Variants in PIWIL2 observed in about 807,000 individuals in gnomAD.
PIWIL2 encodes the protein piwi-like protein 2.
A neutral mutation model predicts 116.5 loss-of-function variants in PIWIL2; 81 were observed. The observed-to-expected ratio is 0.70, with a 90% CI of 0.58 to 0.84. PIWIL2 has a LOEUF of 0.84. Ranked by LOEUF, PIWIL2 falls within the 40% of genes least tolerant of loss-of-function variation. The pLI is 0.00. For synonymous variants in PIWIL2, 489 were observed against 429.5 expected, an observed-to-expected ratio of 1.14 and a Z score of -1.71; for missense variants, 1,272 against 1,212.3, an observed-to-expected ratio of 1.05 and a Z score of -0.73.
At chr8:22,290,975 T>TATATA (rs947701007) in intron 10 of PIWIL2, among the ~76,000 whole-genome samples, 4 of 149,536 alleles carry the variant, frequency 2.7e-5, no homozygotes, top group Admixed American at 1.4e-4. Context: ...TGTATATATA[T>TATATA]TTTTTTTAAT....
intron 1 of PIWIL2, chr8:22,276,154 C>CT (rs1830362921): frequency 6.6e-6 from 1 of 152,262 alleles, no homozygotes; most frequent in Non-Finnish European, 1.5e-5. Context: ...GAAAGGGAGT[C>CT]ATATCCTGCG....
At chr8:22,311,383 G>C in intron 16 of PIWIL2, 83 bp downstream of exon 16, 1 of 1,118,196 alleles carries the variant, frequency 8.9e-7, no homozygotes, top group East Asian at 2.6e-5. Context: ...ATGGTTATCA[G>C]TCTGCTGTTG....
chr8:22,324,423 A>G (rs1831676644), intron 20 of PIWIL2, among the ~76,000 whole-genome samples: 2 of 152,058 alleles, frequency 1.3e-5, no homozygotes, highest in South Asian at 4.1e-4. Context: ...CGGCAGCAAT[A>G]CTAGCCTAGC....
chr8:22,332,784 G>A (rs963912797), intron 20 of PIWIL2, among the ~76,000 whole-genome samples: 1 of 151,984 alleles, frequency 6.6e-6, no homozygotes, highest in African/African-American at 2.4e-5. Flanking sequence ...ACATTGCATG[G>A]CAAATAAAAA....
chr8:22,354,511 T>G, intron 22 of PIWIL2, 133 bp downstream of exon 22: 1 of 541,262 alleles, frequency 1.8e-6, no homozygotes, highest in Non-Finnish European at 3.3e-6. Context: ...TTATGGTGTC[T>G]TTTTGAGGAG....
intron 15 of PIWIL2, among the ~76,000 whole-genome samples, chr8:22,310,899 G>A (rs1460685149): frequency 6.6e-6 from 1 of 152,200 alleles, no homozygotes; most frequent in Non-Finnish European, 1.5e-5. Context: ...AGGCATGGTT[G>A]TTGCTCTTCC....
At position 22,289,988 on chromosome 8, in the gene PIWIL2, A is replaced by G. The variant is rs192415610; in HGVS notation, c.1067+61A>G. 1.0e-5 allele frequency: 11 copies of G among 1,103,680 alleles called. No individual in the cohort carries two copies. In the East Asian group the frequency reaches 1.4e-4, roughly 14 times the overall value. 68.4% of individuals were successfully genotyped at this position (1,103,680 alleles called of 1,614,324 possible). A position where few individuals can be genotyped will look rare whatever the true frequency, so the allele number is the denominator to read the frequency against. On this transcript the variant is annotated intron_variant, in intron 9 of 22. Coordinates refer to ENST00000356766, the MANE Select transcript of PIWIL2 (RefSeq NM_018068.5). Reference sequence around the variant, plus strand: ...TTCTGGAAAGAAAGTTTCCATTACAACCATTGTATTTAGTACTATAATGTC... The same window carrying G: ...TTCTGGAAAGAAAGTTTCCATTACAGCCATTGTATTTAGTACTATAATGTC...
At chr8:22,299,357 T>C (rs1421676053) in intron 10 of PIWIL2, among the ~76,000 whole-genome samples, 1 of 151,984 alleles carries the variant, frequency 6.6e-6, no homozygotes, top group Non-Finnish European at 1.5e-5. Context: ...ATTACAGGCA[T>C]GTGCCACCAC....
chr8:22,304,716 C>CA, intron 11 of PIWIL2, 68 bp from the exon 12 acceptor site: 2 of 887,222 alleles, frequency 2.3e-6, no homozygotes, highest in Non-Finnish European at 3.8e-6. Context: ...TTAAGAGACT[C>CA]AGACTATGGT....
At chr8:22,283,272 T>C in intron 5 of PIWIL2, 32 bp downstream of exon 5, 1 of 1,533,960 alleles carries the variant, frequency 6.5e-7, no homozygotes, top group Admixed American at 1.7e-5. Flanking sequence ...CTCTACTTAG[T>C]AATGATCGTG....
At chr8:22,321,709 T>G (rs1297861858) in intron 20 of PIWIL2, 1 of 194,042 alleles carries the variant, frequency 5.2e-6, no homozygotes, top group Non-Finnish European at 9.4e-6. Context: ...CTAAAACAAA[T>G]AAAATAAAAA....
In PIWIL2 at chr8:22,310,173, G is replaced by A. The variant is rs1563383458; in HGVS notation, c.1800+99G>A. On this transcript the variant is annotated intron_variant, in intron 15 of 22. Coordinates refer to ENST00000356766, the MANE Select transcript of PIWIL2 (RefSeq NM_018068.5). ...CTAGAGTCTTCTTTTTTGAGGGAAA[G>A]TACCAATTGAATCCCCATTCTGAAT... 19 of 665,002 alleles carry A rather than the reference G, an allele frequency of 2.9e-5. 1 individual carries two copies. The highest frequency in any genetic ancestry group is 4.0e-5 in the Non-Finnish European group (15 of 375,714). The allele number at this position is 665,002 out of a possible 1,614,324, so 41.2% of individuals were successfully genotyped here.
intron 20 of PIWIL2, among the ~76,000 whole-genome samples, chr8:22,350,863 G>C (rs566871128): frequency 1.3e-5 from 2 of 152,084 alleles, no homozygotes; most frequent in Non-Finnish European, 2.9e-5. Flanking sequence ...AAATTAGGCT[G>C]GGCGCAGTGG....
At chr8:22,324,114 T>C (rs1831668871) in intron 20 of PIWIL2, among the ~76,000 whole-genome samples, 1 of 152,038 alleles carries the variant, frequency 6.6e-6, no homozygotes, top group South Asian at 2.1e-4. Context: ...ATACAAAAAT[T>C]AGCTGGGCGT....
chr8:22,339,039 C>T (rs546275260), intron 20 of PIWIL2, among the ~76,000 whole-genome samples: 77 of 152,122 alleles, frequency 5.1e-4, no homozygotes, highest in Non-Finnish European at 9.7e-4. Flanking sequence ...GGCCTATGGC[C>T]GGTTAACTGA....
At position 22,281,262 on chromosome 8, in the gene PIWIL2, A is replaced by G. The variant is rs1266740672; in HGVS notation, c.286+55A>G. On this transcript the variant is annotated intron_variant, in intron 3 of 22. Transcript: ENST00000356766. ...GTGGTATGTATGATTGGTTTCTTCT[A>G]AAATCCAAATGGTTTATTTTCAGAA... The G allele has an allele frequency of 2.6e-6, 4 of 1,549,518 alleles. No individual in the cohort carries two copies. The Admixed American group carries it at 6.0e-5, about 23-fold the overall frequency.
chr8:22,337,076 TG>T (rs1368691385), intron 20 of PIWIL2, among the ~76,000 whole-genome samples: 1 of 152,208 alleles, frequency 6.6e-6, no homozygotes, highest in African/African-American at 2.4e-5. Context: ...AAACCAGTTT[TG>T]TTTTGCTTTG....
At position 22,312,956 on chromosome 8, in the gene PIWIL2, A is replaced by G. The variant is rs970206507; in HGVS notation, c.1990-1372A>G. Among the ~76,000 whole-genome samples the G allele has an allele frequency of 4.6e-5, 7 of 152,154 alleles. No homozygotes were observed. In the East Asian group the frequency reaches 1.4e-3, roughly 29 times the overall value. ...GCACCCAGCCTGTGCATTCTCTATA[A>G]TTCCATCCTGATCTACCATGCCTGT... is the stretch of plus-strand genomic sequence containing the variant. On this transcript the variant is annotated intron_variant, in intron 16 of 22. Transcript: ENST00000356766.
chr8:22,291,172 A>G (rs144259917), intron 10 of PIWIL2, among the ~76,000 whole-genome samples: 2,211 of 147,080 alleles, frequency 0.015, 48 homozygotes, highest in African/African-American at 0.053. Flanking sequence ...TTTTTCTGAG[A>G]GAGAGTCTCT....
Sources: allele counts gnomAD v4.1 joint callset (sites outside exome capture counted in the v4.1 genomes callset), GRCh38; gene constraint gnomAD v4.1.1; transcripts MANE v1.5; gene names NCBI Gene and HGNC (gene_info 2026-07-23, HGNC 2026-07-21).